The following TECRL variants were observed in gnomAD, a reference collection of about 807,000 sequenced individuals.
TECRL encodes trans-2,3-enoyl-CoA reductase like.
In TECRL, 63 loss-of-function variants were observed where a neutral mutation model predicts 52.8. That is an observed-to-expected ratio of 1.19 (90% confidence interval 0.97 to 1.47). TECRL has a LOEUF of 1.47. Among genes scored for constraint, TECRL ranks in the 40% most tolerant of loss-of-function variants. The pLI, the probability that TECRL is intolerant of heterozygous loss-of-function variation, is 0.00. For synonymous variants in TECRL, 164 were observed against 141.9 expected, an observed-to-expected ratio of 1.16 and a Z score of -1.10; for missense variants, 482 against 429.6, an observed-to-expected ratio of 1.12 and a Z score of -1.08.
At chr4:64,392,965 T>C (rs1723646887) in intron 1 of TECRL, among the ~76,000 whole-genome samples, 1 of 151,904 alleles carries the variant, frequency 6.6e-6, no homozygotes, top group Non-Finnish European at 1.5e-5. Context: ...AGCATCAAGT[T>C]ATATACTAGT....
intron 8 of TECRL, among the ~76,000 whole-genome samples, chr4:64,295,498 T>C (rs1723628984): frequency 6.6e-6 from 1 of 151,460 alleles, no homozygotes; most frequent in South Asian, 2.1e-4. Flanking sequence ...ATCAGAATTA[T>C]TTTTTAATTT....
chr4:64,337,125 T>C (rs1237923541), intron 2 of TECRL, among the ~76,000 whole-genome samples: 1 of 151,960 alleles, frequency 6.6e-6, no homozygotes, highest in South Asian at 2.1e-4. Flanking sequence ...GTCTCCCATA[T>C]GCAAATCAAT....
downstream of TECRL, chr4:64,276,774 G>A (rs541138099): frequency 1.4e-4 from 38 of 281,072 alleles, no homozygotes; most frequent in African/African-American, 8.3e-4. Flanking sequence ...ATTTTAGCCA[G>A]CAATGCAAAC....
At chr4:64,405,522 C>A in intron 1 of TECRL, among the ~76,000 whole-genome samples, 1 of 152,014 alleles carries the variant, frequency 6.6e-6, no homozygotes, top group East Asian at 1.9e-4. Flanking sequence ...GGGAGAAGAC[C>A]AAGTGGTCAG....
chr4:64,286,703 A>G (rs1180846741), intron 9 of TECRL, among the ~76,000 whole-genome samples: 1 of 152,120 alleles, frequency 6.6e-6, no homozygotes, highest in African/African-American at 2.4e-5. Context: ...AGGAGAGAGA[A>G]TTAGGTTGGC....
At chr4:64,399,546 A>G (rs942225499) in intron 1 of TECRL, among the ~76,000 whole-genome samples, 2 of 152,288 alleles carry the variant, frequency 1.3e-5, no homozygotes. Flanking sequence ...AGCCCCTCCC[A>G]CCAGAAGCCC....
At chr4:64,364,449 T>C (rs1721451211) in intron 2 of TECRL, among the ~76,000 whole-genome samples, 1 of 151,704 alleles carries the variant, frequency 6.6e-6, no homozygotes, top group African/African-American at 2.4e-5. Flanking sequence ...AAAAACCACA[T>C]AAAAGATCAA....
intron 5 of TECRL, among the ~76,000 whole-genome samples, chr4:64,312,457 T>C (rs1346384226): frequency 6.6e-6 from 1 of 152,212 alleles, no homozygotes; most frequent in Non-Finnish European, 1.5e-5. Flanking sequence ...CCAAACATGC[T>C]GTATTTCTGT....
intron 10 of TECRL, 126 bp downstream of exon 10, chr4:64,281,348 G>A: frequency 1.6e-6 from 1 of 636,006 alleles, no homozygotes; most frequent in Admixed American, 3.3e-5. Flanking sequence ...GTTATACCAT[G>A]ATCTGTGGAT....
chr4:64,280,738 A>G (rs1025449703), intron 11 of TECRL, among the ~76,000 whole-genome samples: 26 of 152,286 alleles, frequency 1.7e-4, no homozygotes, highest in African/African-American at 6.3e-4. Context: ...ATGCCTGTGC[A>G]CATGCACAAG....
At chr4:64,405,365 A>G (rs895160614) in intron 1 of TECRL, among the ~76,000 whole-genome samples, 1 of 152,128 alleles carries the variant, frequency 6.6e-6, no homozygotes, top group African/African-American at 2.4e-5. Flanking sequence ...AAGGGTTGAT[A>G]TATTTTGAAG....
At chr4:64,328,876 G>A (rs1406315042) in intron 2 of TECRL, among the ~76,000 whole-genome samples, 3 of 151,834 alleles carry the variant, frequency 2.0e-5, no homozygotes, top group African/African-American at 4.8e-5. Flanking sequence ...GTCTATGTAA[G>A]TTTTTCATCA....
At chr4:64,373,013 A>G (rs183367397) in intron 2 of TECRL, among the ~76,000 whole-genome samples, 1 of 151,824 alleles carries the variant, frequency 6.6e-6, no homozygotes, top group African/African-American at 2.4e-5. Flanking sequence ...TAATGTCCAT[A>G]TGTTTACAGA....
intron 8 of TECRL, among the ~76,000 whole-genome samples, chr4:64,294,537 A>C (rs1240351703): frequency 1.3e-5 from 2 of 152,132 alleles, no homozygotes; most frequent in Non-Finnish European, 2.9e-5. Flanking sequence ...AACATGTTGT[A>C]ATAATATACT....
intron 2 of TECRL, among the ~76,000 whole-genome samples, chr4:64,350,429 G>T (rs1720301726): frequency 6.6e-6 from 1 of 152,178 alleles, no homozygotes; most frequent in South Asian, 2.1e-4. Flanking sequence ...CTGATGAATT[G>T]GCTGGGTGAC....
At chr4:64,370,311 A>C (rs955794589) in intron 2 of TECRL, among the ~76,000 whole-genome samples, 1 of 151,720 alleles carries the variant, frequency 6.6e-6, no homozygotes, top group Non-Finnish European at 1.5e-5. Context: ...TTTTAGAAAT[A>C]GATTCTCCAA....
Position 64,305,088 on chromosome 4 carries a change from C to T in TECRL, c.730+78G>A, listed in dbSNP as rs901977360. Reference sequence around the variant, plus strand: ...GAATTGTTTCATTTTTTACTTATTCCTTTATGTATGTCATTTAGAATAGAG... The same window carrying T: ...GAATTGTTTCATTTTTTACTTATTCTTTTATGTATGTCATTTAGAATAGAG... On this transcript the variant is annotated intron_variant, in intron 7 of 11. Transcript: ENST00000381210. 1.3e-5 allele frequency: 13 copies of T among 991,074 alleles called. No individual in the cohort carries two copies. In the Admixed American group the frequency reaches 1.7e-4, roughly 13 times the overall value. 61.4% of individuals were successfully genotyped at this position (991,074 alleles called of 1,614,324 possible).
At chr4:64,375,698 T>G (rs1722351281) in intron 1 of TECRL, among the ~76,000 whole-genome samples, 1 of 151,872 alleles carries the variant, frequency 6.6e-6, no homozygotes, top group Admixed American at 6.6e-5. Flanking sequence ...CTGACATTAT[T>G]TAAATCCCCA....
intron 1 of TECRL, among the ~76,000 whole-genome samples, chr4:64,407,482 G>A (rs1397761594): frequency 1.5e-5 from 2 of 136,738 alleles, no homozygotes; most frequent in African/African-American, 5.5e-5. Flanking sequence ...GGAACTAATT[G>A]GCATGTGTGT....
Sources: allele counts gnomAD v4.1 joint callset (sites outside exome capture counted in the v4.1 genomes callset), GRCh38; gene constraint gnomAD v4.1.1; transcripts MANE v1.5; gene names NCBI Gene and HGNC (gene_info 2026-07-23, HGNC 2026-07-21).